HTN3: variants seen among roughly 807,000 people sequenced by gnomAD.
HTN3 encodes histatin-3.
HTN3 carries 15 observed loss-of-function variants against 10.6 expected under a neutral mutation model. The observed-to-expected ratio is 1.42, with a 90% CI of 0.95 to 2.18. The LOEUF (loss-of-function observed/expected upper bound fraction) is 2.18, where lower values mean the gene tolerates loss of function less well. Among genes scored for constraint, HTN3 ranks in the 30% most tolerant of loss-of-function variants. The pLI is 0.00. For missense variants in HTN3, 68 were observed against 58.0 expected, an observed-to-expected ratio of 1.17 and a Z score of -0.56; for synonymous variants, 15 against 16.9, an observed-to-expected ratio of 0.89 and a Z score of 0.27.
intron 4 of HTN3, among the ~76,000 whole-genome samples, chr4:70,032,963 A>G (rs988103898): frequency 6.6e-6 from 1 of 152,152 alleles, no homozygotes; most frequent in African/African-American, 2.4e-5. Context: ...CACACAGTAA[A>G]TACTTTATCA....
intron 5 of HTN3, among the ~76,000 whole-genome samples, chr4:70,034,765 C>A (rs1348738938): frequency 1.3e-5 from 2 of 152,170 alleles, no homozygotes; most frequent in Non-Finnish European, 2.9e-5. Flanking sequence ...TTTATTGCAG[C>A]ACTATTTACA....
chr4:70,032,766 C>T (rs561760292), intron 4 of HTN3, among the ~76,000 whole-genome samples: 10 of 151,858 alleles, frequency 6.6e-5, no homozygotes, highest in African/African-American at 1.4e-4. Context: ...AGAAAGTAAG[C>T]TCATTAAAAG....
At chr4:70,033,113 A>G in intron 4 of HTN3, 54 bp from the exon 5 acceptor site, 2 of 1,304,752 alleles carry the variant, frequency 1.5e-6, no homozygotes, top group Non-Finnish European at 2.2e-6. Flanking sequence ...AAGCATTTTT[A>G]CTGTCATTGC....
intron 4 of HTN3, 144 bp from the exon 5 acceptor site, chr4:70,033,023 A>G: frequency 1.7e-6 from 1 of 584,748 alleles, no homozygotes; most frequent in Non-Finnish European, 3.0e-6. Context: ...ATGTAACTAA[A>G]AATTTGAAAA....
intron 4 of HTN3, among the ~76,000 whole-genome samples, chr4:70,032,527 C>T (rs2109708606): frequency 6.6e-6 from 1 of 152,084 alleles, no homozygotes; most frequent in South Asian, 2.1e-4. Context: ...ATTAAACTTA[C>T]TGTGCTAAAT....
intron 5 of HTN3, among the ~76,000 whole-genome samples, chr4:70,035,934 G>C (rs1431589565): frequency 6.6e-6 from 1 of 152,028 alleles, no homozygotes; most frequent in Non-Finnish European, 1.5e-5. Context: ...ATTTAATCAG[G>C]GGAGGATATA....
At chr4:70,034,623 A>T (rs1209670228) in intron 5 of HTN3, among the ~76,000 whole-genome samples, 1 of 152,222 alleles carries the variant, frequency 6.6e-6, no homozygotes, top group East Asian at 1.9e-4. Context: ...CATTAGTTCA[A>T]CCATTGTGGA....
At position 70,036,445 on chromosome 4, in the gene HTN3, C is replaced by T. The variant is rs1725518294; in HGVS notation, c.*212C>T. The T allele has an allele frequency of 1.3e-5, 2 of 152,164 alleles. No homozygotes were observed. The highest frequency in any genetic ancestry group is 2.4e-5 in the African/African-American group (1 of 41,436). The allele number at this position is 152,164 out of a possible 1,614,324, so 9.4% of individuals were successfully genotyped here. On this transcript the variant is annotated 3_prime_UTR_variant, in exon 6 of 6. Transcript: ENST00000673563. ...TAATTATCATTTGATTAGATACTTGCAATTTAAATGTTAAGCTGTTTTCAC... is the reference window on the plus strand; with the variant it reads ...TAATTATCATTTGATTAGATACTTGTAATTTAAATGTTAAGCTGTTTTCAC...
At chr4:70,033,953 G>C (rs1296770101) in intron 5 of HTN3, 15 of 152,010 alleles carry the variant, frequency 9.9e-5, no homozygotes. Context: ...CAAGCAATGG[G>C]AAAAGGATCT....
At chr4:70,030,707 T>A (rs368967700) in intron 1 of HTN3, 21 bp from the exon 2 acceptor site, 9 of 1,518,684 alleles carry the variant, frequency 5.9e-6, no homozygotes, top group East Asian at 2.3e-5. Flanking sequence ...GATTACTGAT[T>A]TTTCATGTTT....
chr4:70,033,836 A>G (rs1725444497), intron 5 of HTN3: 1 of 152,026 alleles, frequency 6.6e-6, no homozygotes, highest in South Asian at 2.1e-4. Context: ...ATCCTTTGTT[A>G]GTTGTATTTC....
chr4:70,033,332 A>T (rs1725434394), intron 5 of HTN3, 79 bp downstream of exon 5: 1 of 685,902 alleles, frequency 1.5e-6, no homozygotes, highest in East Asian at 2.8e-5. Flanking sequence ...AAAAAAAGCC[A>T]TTAAGCCAAC....
chr4:70,031,926 T>G (rs1725390059), intron 2 of HTN3, 53 bp from the exon 3 acceptor site: 1 of 1,272,434 alleles, frequency 7.9e-7, no homozygotes, highest in Admixed American at 1.8e-5. Flanking sequence ...ACACATATTC[T>G]TGAATTATGA....
intron 5 of HTN3, among the ~76,000 whole-genome samples, chr4:70,034,890 C>T (rs1474693653): frequency 2.0e-5 from 3 of 152,122 alleles, no homozygotes; most frequent in Non-Finnish European, 2.9e-5. Flanking sequence ...GAGATCCTGT[C>T]CTTTGCAGGG....
chr4:70,029,230 A>G (rs1030668339), intron 1 of HTN3, among the ~76,000 whole-genome samples: 1 of 151,978 alleles, frequency 6.6e-6, no homozygotes, highest in African/African-American at 2.4e-5. Context: ...TTGATTTTCT[A>G]TTTGCAACAC....
At chr4:70,035,253 G>C (rs1184984067) in intron 5 of HTN3, among the ~76,000 whole-genome samples, 3 of 152,188 alleles carry the variant, frequency 2.0e-5, no homozygotes. Flanking sequence ...GGGAACCCCT[G>C]TGTTTTTATC....
rs138803715 is a variant in HTN3, at chr4:70,032,869, T to C, written c.103-298T>C. 3.1e-3 allele frequency among the ~76,000 whole-genome samples: 476 copies of C among 152,222 alleles called. 5 individuals carry two copies. Among genetic ancestry groups the C allele is most frequent in the Middle Eastern group, 0.017 (5 of 294 alleles). On this transcript the variant is annotated intron_variant, in intron 4 of 5. Coordinates refer to ENST00000673563, the MANE Select transcript of HTN3 (RefSeq NM_000200.3). ...GGGCAAAATAGTAACTTGGAGGTAA[T>C]GTTGTTAAGAAGATTTAAAACCTGT...
intron 1 of HTN3, among the ~76,000 whole-genome samples, chr4:70,029,526 G>A (rs559207093): frequency 2.0e-5 from 3 of 151,594 alleles, no homozygotes; most frequent in East Asian, 3.9e-4. Context: ...ACAAGTGACA[G>A]GTAAGAGAGA....
intron 5 of HTN3, among the ~76,000 whole-genome samples, chr4:70,035,888 T>G (rs893830582): frequency 2.6e-5 from 4 of 152,302 alleles, no homozygotes; most frequent in African/African-American, 9.6e-5. Flanking sequence ...AAAGGCCTGA[T>G]CTTGATCCTC....
Sources: gnomAD v4.1 joint callset for allele counts (sites outside exome capture counted in the v4.1 genomes callset) on GRCh38, gnomAD v4.1.1 for gene constraint, MANE v1.5 for transcripts, NCBI Gene and HGNC (gene_info 2026-07-23, HGNC 2026-07-21) for gene names.